The following SEPTIN12 variants were observed in gnomAD, a reference collection of about 807,000 sequenced individuals.
SEPTIN12 encodes the protein septin-12.
In SEPTIN12, 42 loss-of-function variants were observed where a neutral mutation model predicts 37.7. The ratio of observed to expected loss-of-function variants is 1.11; its 90% CI spans 0.87 to 1.44. The LOEUF is 1.44. Ranked by LOEUF, SEPTIN12 falls within the 40% of genes most tolerant of loss-of-function variation. The pLI is 0.00. For missense variants in SEPTIN12, 613 were observed against 479.2 expected (o/e 1.28, Z -2.61); for synonymous variants, 254 against 196.7 (o/e 1.29, Z -2.44).
intron 8 of SEPTIN12, 75 bp downstream of exon 8, chr16:4,779,615 T>C (rs2082350586): frequency 2.3e-6 from 2 of 863,814 alleles, no homozygotes; most frequent in African/African-American, 3.3e-5. Flanking sequence ...CTGTGATGGG[T>C]GCGAAGGTTG....
In SEPTIN12 at chr16:4,781,750, T is replaced by C. The variant is rs377175640; in HGVS notation, c.726+1712A>G. ...ATCTCCATCTCCTGGGTTCAAGTGA[T>C]TCTCCTGCCTCAGCCTCCTAAGTAG... On this transcript the variant is annotated intron_variant, in intron 7 of 9. Transcript: ENST00000268231. Among the ~76,000 whole-genome samples the C allele has an allele frequency of 2.0e-5, 3 of 150,568 alleles. No homozygotes were observed. The South Asian group carries it at 6.3e-4, about 32-fold the overall frequency.
At position 4,785,790 on chromosome 16, in the gene SEPTIN12, A is replaced by AG. The variant is rs1567569343; in HGVS notation, c.374+16_374+17insC. 3.9e-6 allele frequency: 6 copies of AG among 1,533,514 alleles called. No individual in the cohort carries two copies. The highest frequency in any genetic ancestry group is 1.9e-5 in the Admixed American group (1 of 51,534). The allele number at this position is 1,533,514 out of a possible 1,614,324, so 95.0% of individuals were successfully genotyped here. On this transcript the variant is annotated intron_variant, in intron 4 of 9. Transcript: ENST00000268231. The stretch of plus-strand genomic sequence containing the variant: ...TGAAACTCTGCCTAAAAAAAAAAAA[A>AG]AAGAGAGAGAACCTACCAGTTGTCA...
chr16:4,780,183 G>A (rs941816892), intron 7 of SEPTIN12, among the ~76,000 whole-genome samples: 2 of 152,074 alleles, frequency 1.3e-5, no homozygotes, highest in Non-Finnish European at 2.9e-5. Context: ...GACCTCCTGG[G>A]CTCAAGTGAT....
At chr16:4,778,194 A>C in intron 8 of SEPTIN12, 57 bp from the exon 9 acceptor site, 1 of 1,542,078 alleles carries the variant, frequency 6.5e-7, no homozygotes, top group Non-Finnish European at 9.0e-7. Flanking sequence ...GTAAGTGCCT[A>C]CTGTATGCAC....
chr16:4,787,778 C>T (rs965379892), intron 1 of SEPTIN12, 111 bp from the exon 2 acceptor site: 44 of 607,592 alleles, frequency 7.2e-5, no homozygotes, highest in Non-Finnish European at 1.3e-4. Context: ...ACCCCCTCCA[C>T]ACTTCATGCC....
At chr16:4,782,794 G>T (rs921587638) in intron 7 of SEPTIN12, among the ~76,000 whole-genome samples, 1 of 151,286 alleles carries the variant, frequency 6.6e-6, no homozygotes, top group Non-Finnish European at 1.5e-5. Flanking sequence ...TAGTAGAGAC[G>T]GGGTTTCGTC....
intron 9 of SEPTIN12, 38 bp from the exon 10 acceptor site, chr16:4,778,036 C>A: frequency 3.7e-6 from 6 of 1,612,502 alleles, no homozygotes; most frequent in Non-Finnish European, 5.1e-6. Flanking sequence ...ATGGTGGTGT[C>A]CCCAGGGCCC....
Position 4,778,073 on chromosome 16 carries a change from C to G in SEPTIN12, c.875+13G>C, listed in dbSNP as rs754048486. Reference sequence around the variant, plus strand: ...TCGCCAGCCCCCTAGCCCCAGGCTCCCCACACCCTCACCGGATAAGCAGGT... The same window carrying G: ...TCGCCAGCCCCCTAGCCCCAGGCTCGCCACACCCTCACCGGATAAGCAGGT... On this transcript the variant is annotated intron_variant, in intron 9 of 9. Coordinates refer to ENST00000268231, the MANE Select transcript of SEPTIN12 (RefSeq NM_144605.5). 3 of 1,614,076 alleles carry G rather than the reference C, an allele frequency of 1.9e-6. No individual in the cohort carries two copies. In the South Asian group the frequency reaches 3.3e-5, roughly 18 times the overall value.
At chr16:4,790,543 A>C (rs1352230505), upstream of SEPTIN12, among the ~76,000 whole-genome samples, 2 of 152,274 alleles carry the variant, frequency 1.3e-5, no homozygotes, top group East Asian at 3.9e-4. Flanking sequence ...TAATCCCAGC[A>C]CTTCAGGAGG....
At chr16:4,790,818 G>A (rs182457118), upstream of SEPTIN12, among the ~76,000 whole-genome samples, 6 of 152,226 alleles carry the variant, frequency 3.9e-5, no homozygotes, top group Non-Finnish European at 8.8e-5. Context: ...AAATAAGTAA[G>A]TAAATAAATA....
chr16:4,784,134 C>T, intron 4 of SEPTIN12, 66 bp from the exon 5 acceptor site: 1 of 1,587,680 alleles, frequency 6.3e-7, no homozygotes, highest in South Asian at 1.1e-5. Context: ...CCCCTCTCCT[C>T]TGTGTCCTCT....
intron 8 of SEPTIN12, among the ~76,000 whole-genome samples, chr16:4,779,221 T>G (rs1056276702): frequency 6.6e-6 from 1 of 151,178 alleles, no homozygotes. Context: ...CCTAGCTCCC[T>G]AAGGCAGTCT....
upstream of SEPTIN12, among the ~76,000 whole-genome samples, chr16:4,789,350 G>C (rs1485795358): frequency 6.7e-6 from 1 of 148,496 alleles, no homozygotes; most frequent in African/African-American, 2.5e-5. Context: ...TTTTGAGACG[G>C]AGTCTCGCTC....
chr16:4,791,727 A>G (rs2082553928), upstream of SEPTIN12, among the ~76,000 whole-genome samples: 1 of 152,022 alleles, frequency 6.6e-6, no homozygotes, highest in Admixed American at 6.6e-5. Context: ...TCACTCTGTC[A>G]CCCAGGCTGG....
chr16:4,782,262 C>A (rs878863006), intron 7 of SEPTIN12, among the ~76,000 whole-genome samples: 1 of 152,012 alleles, frequency 6.6e-6, no homozygotes, highest in Non-Finnish European at 1.5e-5. Context: ...GAACTGTACA[C>A]TTTTAAAGGG....
At chr16:4,787,347 T>A (rs2082471239) in intron 2 of SEPTIN12, 133 bp downstream of exon 2, 1 of 826,430 alleles carries the variant, frequency 1.2e-6, no homozygotes. Context: ...AATGACAACA[T>A]CCCTGTGAGG....
rs555677863 is a variant in SEPTIN12 at position 4,785,795 on chromosome 16, G to T, written c.374+12C>A. 60 of 1,436,600 alleles carry T rather than the reference G, an allele frequency of 4.2e-5. No homozygotes were observed. In the East Asian group the frequency reaches 6.0e-4, roughly 14 times the overall value. The allele number at this position is 1,436,600 out of a possible 1,614,324, so 89.0% of individuals were successfully genotyped here. A position where few individuals can be genotyped will look rare whatever the true frequency, so the allele number is the denominator to read the frequency against. On this transcript the variant is annotated intron_variant, in intron 4 of 9. Transcript: ENST00000268231. ...CTCTGCCTAAAAAAAAAAAAAAAGA[G>T]AGAGAACCTACCAGTTGTCATTGTT...
At chr16:4,778,056 C>T (rs748798023) in intron 9 of SEPTIN12, 30 bp downstream of exon 9, 4 of 1,613,640 alleles carry the variant, frequency 2.5e-6, no homozygotes, top group South Asian at 1.1e-5. Context: ...CCTCGCCAGC[C>T]CCCTAGCCCC....
chr16:4,779,109 G>A (rs146303544), intron 8 of SEPTIN12, among the ~76,000 whole-genome samples: 5 of 151,488 alleles, frequency 3.3e-5, no homozygotes, highest in African/African-American at 1.2e-4. Context: ...CCGCACTCCA[G>A]CTCGGGTGAC....
Sources: allele counts gnomAD v4.1 joint callset (sites outside exome capture counted in the v4.1 genomes callset), GRCh38; gene constraint gnomAD v4.1.1; transcripts MANE v1.5; gene names NCBI Gene and HGNC (gene_info 2026-07-23, HGNC 2026-07-21).